AXL: variants seen among roughly 807,000 people sequenced by gnomAD.
AXL encodes the protein AXL receptor tyrosine kinase, also known as tyrosine-protein kinase receptor UFO.
In AXL, 52 loss-of-function variants were observed where a neutral mutation model predicts 104.5. The observed-to-expected ratio is 0.50, with a 90% CI of 0.40 to 0.63. The LOEUF is 0.63. AXL is among the 20% of genes least tolerant of loss of function. The pLI is 0.00. For missense variants in AXL, 1,024 were observed against 1,188.5 expected (o/e 0.86, Z 2.04); for synonymous variants, 455 against 473.7 (o/e 0.96, Z 0.51).
chr19:41,226,979 T>C (rs2033893280), intron 4 of AXL: 1 of 171,626 alleles, frequency 5.8e-6, no homozygotes, highest in Admixed American at 6.6e-5. Flanking sequence ...CCGCCTGTAG[T>C]CCCAGCTGCT....
At chr19:41,235,435 A>G (rs2034063899) in intron 6 of AXL, among the ~76,000 whole-genome samples, 4 of 152,252 alleles carry the variant, frequency 2.6e-5, no homozygotes, top group Admixed American at 2.0e-4. Context: ...ATGCACAAGC[A>G]GTCTTCTAAA....
intron 6 of AXL, among the ~76,000 whole-genome samples, chr19:41,233,092 C>A (rs2034020831): frequency 6.6e-6 from 1 of 151,900 alleles, no homozygotes; most frequent in African/African-American, 2.4e-5. Context: ...TAGGTTCAAG[C>A]AATTCTCTTG....
At chr19:41,257,095 G>C (rs1195119416) in intron 18 of AXL, among the ~76,000 whole-genome samples, 1 of 152,106 alleles carries the variant, frequency 6.6e-6, no homozygotes, top group Non-Finnish European at 1.5e-5. Flanking sequence ...CCAGGCTGCA[G>C]TGCAATGGCA....
At chr19:41,227,453 C>T (rs538792161) in intron 4 of AXL, among the ~76,000 whole-genome samples, 1 of 150,376 alleles carries the variant, frequency 6.6e-6, no homozygotes, top group Non-Finnish European at 1.5e-5. Flanking sequence ...TTGGCCTATC[C>T]GAATTGCAGC....
chr19:41,225,877 G>T (rs1002450525), intron 4 of AXL, among the ~76,000 whole-genome samples: 2 of 152,080 alleles, frequency 1.3e-5, no homozygotes, highest in African/African-American at 2.4e-5. Flanking sequence ...AATTTCGTCC[G>T]TTTGTGTGCG....
intron 4 of AXL, among the ~76,000 whole-genome samples, chr19:41,229,011 G>A (rs896789704): frequency 2.7e-5 from 4 of 150,412 alleles, no homozygotes; most frequent in Admixed American, 6.6e-5. Flanking sequence ...GTGCAATGGC[G>A]TGATCTCAGC....
chr19:41,255,186 C>G (rs2034433110), intron 17 of AXL, among the ~76,000 whole-genome samples: 1 of 152,188 alleles, frequency 6.6e-6, no homozygotes, highest in Admixed American at 6.5e-5. Context: ...GCTTCTATGG[C>G]TCAGCATGAT....
intron 4 of AXL, among the ~76,000 whole-genome samples, chr19:41,222,997 A>G (rs922479285): frequency 2.7e-5 from 4 of 147,014 alleles, no homozygotes; most frequent in South Asian, 2.2e-4. Context: ...CAAGATGAAC[A>G]TAGACAGGAC....
chr19:41,220,201 C>G (rs1300275535), intron 1 of AXL, among the ~76,000 whole-genome samples: 2 of 151,296 alleles, frequency 1.3e-5, no homozygotes, highest in Admixed American at 1.3e-4. Flanking sequence ...GTCTCATCTC[C>G]CCTGCCTTTC....
chr19:41,231,438 C>A (rs2033987359), intron 6 of AXL, 140 bp downstream of exon 6: 29 of 789,000 alleles, frequency 3.7e-5, no homozygotes, highest in South Asian at 9.4e-5. Context: ...AGCCAGATGT[C>A]CTGGGTTCGA....
intron 3 of AXL, 100 bp downstream of exon 3, chr19:41,221,346 T>C: frequency 9.4e-7 from 1 of 1,058,298 alleles, no homozygotes; most frequent in Non-Finnish European, 1.4e-6. Flanking sequence ...CAAAGGGTGC[T>C]GGAGGATTCA....
At chr19:41,254,376 CAA>C (rs34633761) in intron 17 of AXL, among the ~76,000 whole-genome samples, 18 of 81,150 alleles carry the variant, frequency 2.2e-4, no homozygotes, top group Admixed American at 6.0e-4. Context: ...GACTCTGTCT[CAA>C]AAAAAAAAAA....
At chr19:41,238,677 A>C in intron 8 of AXL, 68 bp downstream of exon 8, 1 of 1,524,594 alleles carries the variant, frequency 6.6e-7, no homozygotes, top group South Asian at 1.3e-5. Flanking sequence ...ATCAGGGCAG[A>C]CATAGATGGT....
intron 12 of AXL, among the ~76,000 whole-genome samples, chr19:41,245,713 CAA>C (rs371879527): frequency 0.012 from 730 of 62,854 alleles, 3 homozygotes; most frequent in African/African-American, 0.037. Flanking sequence ...GACACCGTCT[CAA>C]AAAAAAAAAA....
At chr19:41,229,042 C>T (rs12977931) in intron 4 of AXL, among the ~76,000 whole-genome samples, 1,587 of 151,658 alleles carry the variant, frequency 0.01, 12 homozygotes, top group Non-Finnish European at 0.018. Flanking sequence ...CTCTGCCTCC[C>T]GGGTTCAAGC....
Position 41,239,731 on chromosome 19 carries a change from C to T in AXL, c.1312+11C>T, listed in dbSNP as rs376824621. 15 of 1,614,062 alleles carry T rather than the reference C, an allele frequency of 9.3e-6. No homozygotes were observed. Among genetic ancestry groups the T allele is most frequent in the Non-Finnish European group, 1.3e-5 (15 of 1,180,038 alleles). On this transcript the variant is annotated intron_variant, in intron 10 of 19. Coordinates refer to ENST00000301178, the MANE Select transcript of AXL (RefSeq NM_021913.5). ...CAGTCCACCAGCTGGGTAAGGGCTT[C>T]CACACCCCATCTCCTCCTTCCCTAC...
chr19:41,252,450 G>C lies in AXL; in HGVS notation c.1804+7G>C. The C allele has an allele frequency of 1.2e-6, 2 of 1,613,882 alleles. No homozygotes were observed. The highest frequency in any genetic ancestry group is 1.7e-6 in the Non-Finnish European group (2 of 1,179,782). ...AACGTCATGAGGCTCATCGGTGAGA[G>C]AGGGGCAGATTCAAGGGGTCTACAA... On this transcript the variant is annotated splice_region_variant and intron_variant, in intron 15 of 19. Coordinates refer to ENST00000301178, the MANE Select transcript of AXL (RefSeq NM_021913.5).
At chr19:41,243,141 A>C (rs1434460892) in intron 11 of AXL, 126 bp downstream of exon 11, 3 of 1,395,484 alleles carry the variant, frequency 2.1e-6, no homozygotes, top group Non-Finnish European at 1.9e-6. Context: ...AAGGGAAGCC[A>C]GGCGTGGTGG....
rs2034534830 is a variant in AXL at position 41,261,083 on chromosome 19, T to C, written c.*1179T>C. The C allele has an allele frequency of 6.6e-6, 1 of 152,186 alleles. No individual in the cohort carries two copies. The highest frequency in any genetic ancestry group is 1.5e-5 in the Non-Finnish European group (1 of 68,030). The allele number at this position is 152,186 out of a possible 1,614,324, so 9.4% of individuals were successfully genotyped here. On this transcript the variant is annotated 3_prime_UTR_variant, in exon 20 of 20. Transcript: ENST00000301178. Reference sequence around the variant, plus strand: ...GAGTCTAAAGATGGAGTTTCTAAGGTCCGGTGTTCTAAGATGTGATATTCT... The same window carrying C: ...GAGTCTAAAGATGGAGTTTCTAAGGCCCGGTGTTCTAAGATGTGATATTCT...
Sources: gnomAD v4.1 joint callset for allele counts (sites outside exome capture counted in the v4.1 genomes callset) on GRCh38, gnomAD v4.1.1 for gene constraint, MANE v1.5 for transcripts, NCBI Gene and HGNC (gene_info 2026-07-23, HGNC 2026-07-21) for gene names.